The following PCDH11X variants were observed in gnomAD, a reference collection of about 807,000 sequenced individuals.
The protein encoded by PCDH11X is protocadherin 11 X-linked.
PCDH11X carries 18 observed loss-of-function variants against 53.3 expected under a neutral mutation model. The observed-to-expected ratio is 0.34, with a 90% CI of 0.23 to 0.50. The LOEUF (loss-of-function observed/expected upper bound fraction) is 0.50, where lower values mean the gene tolerates loss of function less well. Among genes scored for constraint, PCDH11X ranks in the 20% least tolerant of loss-of-function variants. The probability of loss-of-function intolerance (pLI) is 0.98; values close to 1 mark genes in which losing one functional copy is unlikely to be tolerated. For missense variants in PCDH11X, 570 were observed against 1,032.4 expected, an observed-to-expected ratio of 0.55 and a Z score of 6.14; for synonymous variants, 279 against 393.3, an observed-to-expected ratio of 0.71 and a Z score of 3.44.
intron 6 of PCDH11X, among the ~76,000 whole-genome samples, chrX:91,941,240 A>G (rs1004798144): frequency 2.7e-5 from 3 of 111,512 alleles, no homozygotes; most frequent in African/African-American, 9.7e-5. Flanking sequence ...AACAACCAGT[A>G]ACACCTTTGA....
intron 7 of PCDH11X, among the ~76,000 whole-genome samples, chrX:92,249,432 C>T (rs1185915080): frequency 8.9e-6 from 1 of 112,098 alleles, no homozygotes; most frequent in East Asian, 2.8e-4. Flanking sequence ...ATAAAGGTAT[C>T]TTTATGCAAA....
chrX:92,618,375 A>T lies in PCDH11X; in HGVS notation c.3479A>T (p.His1160Leu). The T allele has an allele frequency of 2.5e-6, 3 of 1,211,573 alleles. No homozygotes were observed. The highest frequency in any genetic ancestry group is 2.2e-6 in the Non-Finnish European group (2 of 895,389). The change falls in exon 11 of 11, where the codon CAT becomes CTT. Residue 1160 changes from histidine (H) to leucine (L), a missense_variant. Physicochemically the swap from His to Leu is moderately conservative, Grantham distance 99 (BLOSUM62 -3). Transcript: ENST00000682573. ...DACWMPASLD[H>L]SSSSQAQASA... Reference sequence around the variant, plus strand: ...TGCTGGATGCCGGCATCTCTGGATCATTCCAGCTCTTCGCAAGCACAGGCC... The same window carrying T: ...TGCTGGATGCCGGCATCTCTGGATCTTTCCAGCTCTTCGCAAGCACAGGCC...
intron 6 of PCDH11X, among the ~76,000 whole-genome samples, chrX:92,091,217 A>T (rs2148118965): frequency 9.0e-6 from 1 of 111,262 alleles, no homozygotes; most frequent in Non-Finnish European, 1.9e-5. Context: ...AAGACTGCAG[A>T]GTTATGTATC....
chrX:91,834,545 G>A (rs763063738), intron 4 of PCDH11X: 15 of 108,508 alleles, frequency 1.4e-4, no homozygotes, highest in African/African-American at 4.0e-4. Flanking sequence ...TACCTTCTGC[G>A]TTCTATAAAC....
intron 6 of PCDH11X, among the ~76,000 whole-genome samples, chrX:92,133,967 G>A (rs2065038668): frequency 1.8e-5 from 2 of 111,696 alleles, no homozygotes; most frequent in Admixed American, 9.6e-5. Context: ...ATCAATATAT[G>A]TAAGATATAC....
chrX:92,277,544 G>C (rs2148438402), intron 8 of PCDH11X, among the ~76,000 whole-genome samples: 1 of 107,766 alleles, frequency 9.3e-6, no homozygotes. Context: ...GAAAGAGAGA[G>C]TAGAGAAATG....
intron 6 of PCDH11X, among the ~76,000 whole-genome samples, chrX:91,891,494 C>T (rs1839943325): frequency 1.0e-5 from 1 of 96,314 alleles, no homozygotes; most frequent in African/African-American, 4.0e-5. Flanking sequence ...TTCTGTTCAC[C>T]ACCATTGTGG....
At chrX:91,871,835 C>T (rs1939328827) in intron 5 of PCDH11X, among the ~76,000 whole-genome samples, 1 of 111,025 alleles carries the variant, frequency 9.0e-6, no homozygotes, top group South Asian at 3.7e-4. Context: ...CAGTTTTTGT[C>T]TTGGGTTTGC....
intron 10 of PCDH11X, among the ~76,000 whole-genome samples, chrX:92,549,355 G>A (rs1315826031): frequency 1.9e-5 from 2 of 103,804 alleles, no homozygotes; most frequent in African/African-American, 7.0e-5. Context: ...TACTTAGAAA[G>A]TATCATGATT....
intron 6 of PCDH11X, among the ~76,000 whole-genome samples, chrX:91,909,800 C>T (rs779820617): frequency 1.8e-5 from 2 of 110,800 alleles, no homozygotes; most frequent in African/African-American, 3.3e-5. Flanking sequence ...AGGTATAATG[C>T]GCAAATCAAA....
intron 6 of PCDH11X, among the ~76,000 whole-genome samples, chrX:91,888,656 A>G (rs1481028993): frequency 9.0e-6 from 1 of 110,798 alleles, no homozygotes; most frequent in Non-Finnish European, 1.9e-5. Flanking sequence ...GTGAGATTCC[A>G]TCTCAAAAAA....
intron 6 of PCDH11X, among the ~76,000 whole-genome samples, chrX:92,150,652 G>A (rs1248547075): frequency 2.2e-4 from 24 of 110,903 alleles, no homozygotes; most frequent in Non-Finnish European, 2.3e-4. Flanking sequence ...TCCTGATAGT[G>A]AGCCTTCCAA....
chrX:91,861,361 A>G (rs975372668), intron 5 of PCDH11X, among the ~76,000 whole-genome samples: 3 of 110,045 alleles, frequency 2.7e-5, no homozygotes, highest in African/African-American at 1.0e-4. Context: ...CCCCAGTGAG[A>G]TCAGAGTTCT....
At chrX:91,991,634 A>G (rs1230059754) in intron 6 of PCDH11X, among the ~76,000 whole-genome samples, 1 of 96,949 alleles carries the variant, frequency 1.0e-5, no homozygotes, top group Non-Finnish European at 2.1e-5. Context: ...TTCTGGATTG[A>G]TGTTCTCAGG....
At chrX:92,405,835 C>T (rs911964629) in intron 9 of PCDH11X, among the ~76,000 whole-genome samples, 1 of 111,293 alleles carries the variant, frequency 9.0e-6, no homozygotes, top group Non-Finnish European at 1.9e-5. Context: ...TGGCTCACGC[C>T]TGTAATCCCA....
At chrX:92,056,286 G>T (rs770027454) in intron 6 of PCDH11X, among the ~76,000 whole-genome samples, 1 of 111,744 alleles carries the variant, frequency 8.9e-6, no homozygotes, top group South Asian at 3.8e-4. Flanking sequence ...AATGATCAGT[G>T]ATTTTGATCA....
chrX:92,586,977 CTT>C (rs34675403), intron 10 of PCDH11X, among the ~76,000 whole-genome samples: 30 of 72,894 alleles, frequency 4.1e-4, no homozygotes, highest in African/African-American at 8.0e-4. Context: ...ACACAGAAGC[CTT>C]TTTTTTTTTT....
intron 6 of PCDH11X, among the ~76,000 whole-genome samples, chrX:92,163,460 G>A (rs2065677556): frequency 9.0e-6 from 1 of 110,505 alleles, no homozygotes; most frequent in African/African-American, 3.3e-5. Context: ...ACCCCTGTGA[G>A]ACAAGTCAGA....
At chrX:91,886,889 T>C (rs1462970902) in intron 6 of PCDH11X, among the ~76,000 whole-genome samples, 16 of 101,905 alleles carry the variant, frequency 1.6e-4, no homozygotes, top group African/African-American at 3.3e-4. Context: ...GAGAATGGCA[T>C]GAACCCGGGA....
Sources: allele counts gnomAD v4.1 joint callset (sites outside exome capture counted in the v4.1 genomes callset), GRCh38; gene constraint gnomAD v4.1.1; transcripts MANE v1.5; gene names NCBI Gene and HGNC (gene_info 2026-07-23, HGNC 2026-07-21).